Variants in OR51I2 observed in about 807,000 individuals in gnomAD.
OR51I2 encodes the protein olfactory receptor 51I2.
Under a neutral mutation model 9.3 loss-of-function variants are expected in OR51I2, and 6 were observed. That is an observed-to-expected ratio of 0.64 (90% CI 0.35 to 1.27). OR51I2 has a LOEUF of 1.27. Among genes scored for constraint, OR51I2 ranks in the 50% most tolerant of loss-of-function variants. The pLI is 0.03. For synonymous variants in OR51I2, 179 were observed against 143.1 expected, an observed-to-expected ratio of 1.25 and a Z score of -1.79; for missense variants, 489 against 396.4, an observed-to-expected ratio of 1.23 and a Z score of -1.98.
In OR51I2 at chr11:5,455,912, T is replaced by C. The variant is rs1850952322; in HGVS notation, c.*1485T>C. 6.6e-6 allele frequency: 1 copy of C among 152,204 alleles called. No homozygotes were observed. The highest frequency in any genetic ancestry group is 2.4e-5 in the African/African-American group (1 of 41,448). The allele number at this position is 152,204 out of a possible 1,614,324, so 9.4% of individuals were successfully genotyped here. On this transcript the variant is annotated 3_prime_UTR_variant, in exon 2 of 2. Transcript: ENST00000641930. ...CTTTTAGAAGAATGTTTGGATAGCA[T>C]AACTTAGTATGATTTCCAATGGAAA...
chr11:5,455,571 G>GAGGGAGAGAGAGAAAGAGAGAGGAA lies in OR51I2; in HGVS notation c.*1146_*1147insGGAGAGAGAGAAAGAGAGAGGAAAG, dbSNP rs1850941272. The GAGGGAGAGAGAGAAAGAGAGAGGAA allele has an allele frequency of 6.9e-6, 1 of 143,898 alleles. No individual in the cohort carries two copies. Among genetic ancestry groups the GAGGGAGAGAGAGAAAGAGAGAGGAA allele is most frequent in the African/African-American group, 2.9e-5 (1 of 34,526 alleles). 8.9% of individuals were successfully genotyped at this position (143,898 alleles called of 1,614,324 possible). ...TGGGGGAGAAAGAAGGGGGGAGAGAGAGAGAGAAAGAGAAAGAGAGAAAGA... is the reference window on the plus strand; with the variant it reads ...TGGGGGAGAAAGAAGGGGGGAGAGAGAGGGAGAGAGAGAAAGAGAGAGGAAAGAGAGAAAGAGAAAGAGAGAAAGA... On this transcript the variant is annotated 3_prime_UTR_variant, in exon 2 of 2. Transcript: ENST00000641930.
At chr11:5,450,208 G>A (rs1850823392) in intron 1 of OR51I2, among the ~76,000 whole-genome samples, 2 of 152,002 alleles carry the variant, frequency 1.3e-5, no homozygotes, top group African/African-American at 4.8e-5. Flanking sequence ...GGCCAATATG[G>A]TGAAACCCTG....
At chr11:5,450,360 C>T (rs1850825696) in intron 1 of OR51I2, among the ~76,000 whole-genome samples, 1 of 151,982 alleles carries the variant, frequency 6.6e-6, no homozygotes, top group African/African-American at 2.4e-5. Context: ...CTGCACTCCA[C>T]CCTGGATGAT....
rs1564819301 is a variant in OR51I2 at position 5,455,571 on chromosome 11, G to GAGAGAGAGAAAGAGAA, written c.*1151_*1152insGAAAGAGAAAGAGAGA. ...TGGGGGAGAAAGAAGGGGGGAGAGA[G>GAGAGAGAGAAAGAGAA]AGAGAGAAAGAGAAAGAGAGAAAGA... On this transcript the variant is annotated 3_prime_UTR_variant, in exon 2 of 2. Coordinates refer to ENST00000641930, the MANE Select transcript of OR51I2 (RefSeq NM_001004754.3). 11 of 144,008 alleles carry GAGAGAGAGAAAGAGAA rather than the reference G, an allele frequency of 7.6e-5. No homozygotes were observed. Among genetic ancestry groups the GAGAGAGAGAAAGAGAA allele is most frequent in the African/African-American group, 2.9e-4 (10 of 34,638 alleles). The allele number at this position is 144,008 out of a possible 1,614,324, so 8.9% of individuals were successfully genotyped here. A position where few individuals can be genotyped will look rare whatever the true frequency, so the allele number is the denominator to read the frequency against.
Position 5,454,527 on chromosome 11 carries a change from G to C in OR51I2, c.*100G>C, listed in dbSNP as rs111311793. 2 of 999,850 alleles carry C rather than the reference G, an allele frequency of 2.0e-6. No individual in the cohort carries two copies. The highest frequency in any genetic ancestry group is 1.6e-5 in the African/African-American group (1 of 62,514). 61.9% of individuals were successfully genotyped at this position (999,850 alleles called of 1,614,324 possible). A position where few individuals can be genotyped will look rare whatever the true frequency, so the allele number is the denominator to read the frequency against. ...AAGTATAAGATAGATTGTGTGCTGC[G>C]GGAAAAGTAGGCCAGGAGATGGTGA... On this transcript the variant is annotated 3_prime_UTR_variant, in exon 2 of 2. Transcript: ENST00000641930.
Position 5,453,861 on chromosome 11 carries a change from G to A in OR51I2, c.373G>A (p.Ala125Thr). ...GGCCATGAGTTTTGACCGCTATGTG[G>A]CCATTTGTGACCCCTTGCGCTATGC... ...LLAMSFDRYV[A>T]ICDPLRYATV... The change falls in exon 2 of 2, where the codon GCC becomes ACC. Residue 125 changes from alanine (A) to threonine (T), a missense_variant. Transcript: ENST00000641930. 6.2e-7 allele frequency: 1 copy of A among 1,614,216 alleles called. No individual in the cohort carries two copies. The highest frequency in any genetic ancestry group is 8.5e-7 in the Non-Finnish European group (1 of 1,180,042).
chr11:5,450,818 T>C (rs1314798111), intron 1 of OR51I2, among the ~76,000 whole-genome samples: 4 of 152,096 alleles, frequency 2.6e-5, no homozygotes, highest in Non-Finnish European at 5.9e-5. Context: ...GAGCATGCGG[T>C]GTTTGGTTTT....
Position 5,455,570 on chromosome 11 carries a change from A to AGAGAGAGAGAAAGAGAAAGAGAGAGGG in OR51I2, c.*1151_*1152insGAAAGAGAAAGAGAGAGGGGAGAGAGA, listed in dbSNP as rs560144318. On this transcript the variant is annotated 3_prime_UTR_variant, in exon 2 of 2. Transcript: ENST00000641930. ...TTGGGGGAGAAAGAAGGGGGGAGAG[A>AGAGAGAGAGAAAGAGAAAGAGAGAGGG]GAGAGAGAAAGAGAAAGAGAGAAAG... is the stretch of plus-strand genomic sequence containing the variant. The AGAGAGAGAGAAAGAGAAAGAGAGAGGG allele has an allele frequency of 6.7e-6, 1 of 149,958 alleles. No homozygotes were observed. Among genetic ancestry groups the AGAGAGAGAGAAAGAGAAAGAGAGAGGG allele is most frequent in the African/African-American group, 2.5e-5 (1 of 40,262 alleles). The allele number at this position is 149,958 out of a possible 1,614,324, so 9.3% of individuals were successfully genotyped here.
rs1293127545 is a variant in OR51I2, at chr11:5,449,359, C to T, written c.-236C>T. Reference sequence around the variant, plus strand: ...TTCTGTGGGTGTCTCATCAGTCTCTCTTCTGGTGAGTTCTGAAACTCTATA... The same window carrying T: ...TTCTGTGGGTGTCTCATCAGTCTCTTTTCTGGTGAGTTCTGAAACTCTATA... On this transcript the variant is annotated 5_prime_UTR_variant, in exon 1 of 2. Transcript: ENST00000641930. The T allele has an allele frequency of 6.6e-6, 1 of 152,246 alleles. No individual in the cohort carries two copies. Among genetic ancestry groups the T allele is most frequent in the Non-Finnish European group, 1.5e-5 (1 of 68,106 alleles). The allele number at this position is 152,246 out of a possible 1,614,324, so 9.4% of individuals were successfully genotyped here.
At chr11:5,452,969 C>T (rs1266095588) in intron 1 of OR51I2, among the ~76,000 whole-genome samples, 1 of 152,182 alleles carries the variant, frequency 6.6e-6, no homozygotes, top group Admixed American at 6.5e-5. Flanking sequence ...CCCTCTCCAT[C>T]CAAGCACACA....
intron 1 of OR51I2, among the ~76,000 whole-genome samples, chr11:5,452,504 C>A (rs1590003284): frequency 1.4e-5 from 1 of 69,188 alleles, no homozygotes; most frequent in African/African-American, 5.6e-5. Flanking sequence ...GACTCTGTCT[C>A]AAAAAAAAAA....
chr11:5,453,560 C>G lies in OR51I2; in HGVS notation c.72C>G (p.His24Gln). 1 of 1,610,418 alleles carries G rather than the reference C, an allele frequency of 6.2e-7. No homozygotes were observed. Among genetic ancestry groups the G allele is most frequent in the Non-Finnish European group, 8.5e-7 (1 of 1,178,300 alleles). Reference sequence around the variant, plus strand: ...GTATCCCTGGTCTGGAGAGCTCTCACTCCTGGCTGTCAGGGCCCCTCTGCG... The same window carrying G: ...GTATCCCTGGTCTGGAGAGCTCTCAGTCCTGGCTGTCAGGGCCCCTCTGCG... ...LTGIPGLESS[H>Q]SWLSGPLCVM... Residue 24 changes from histidine to glutamine, a missense_variant, in exon 2 of 2, where the codon CAC (histidine) becomes CAG (glutamine). His to Gln is a conservative substitution (Grantham distance 24). Transcript: ENST00000641930.
rs1850890819 is a variant in OR51I2, at chr11:5,453,557, T to C, written c.69T>C (p.Ser23=). 6 of 1,609,730 alleles carry C rather than the reference T, an allele frequency of 3.7e-6. No homozygotes were observed. The highest frequency in any genetic ancestry group is 1.3e-5 in the African/African-American group (1 of 74,860). Residue 23 remains serine (S), a synonymous_variant, in exon 2 of 2, where the codon TCT becomes TCC. Transcript: ENST00000641930. ...LLTGIPGLES[S]HSWLSGPLCV... is the part of the protein sequence containing the mutation. ...CTGGTATCCCTGGTCTGGAGAGCTCTCACTCCTGGCTGTCAGGGCCCCTCT... is the reference window on the plus strand; with the variant it reads ...CTGGTATCCCTGGTCTGGAGAGCTCCCACTCCTGGCTGTCAGGGCCCCTCT...
chr11:5,453,953 C>G lies in OR51I2; in HGVS notation c.465C>G (p.Thr155=). Residue 155 remains threonine, a synonymous_variant, in exon 2 of 2, where the codon ACC becomes ACG. Transcript: ENST00000641930. ...GTGCAGCTGCTCGAAGCTTCATCAC[C>G]CTTTTCCCTCTTCCCTTTCTTATTA... ...GLGAAARSFI[T]LFPLPFLIKR... The G allele has an allele frequency of 6.2e-7, 1 of 1,614,106 alleles. No homozygotes were observed. The highest frequency in any genetic ancestry group is 1.1e-5 in the South Asian group (1 of 91,074).
intron 1 of OR51I2, among the ~76,000 whole-genome samples, chr11:5,449,741 T>C (rs2133783168): frequency 6.6e-6 from 1 of 152,314 alleles, no homozygotes; most frequent in Middle Eastern, 3.4e-3. Context: ...AGGGAAGTGG[T>C]CACAACCTAT....
chr11:5,452,371 T>C (rs1850865715), intron 1 of OR51I2, among the ~76,000 whole-genome samples: 1 of 151,760 alleles, frequency 6.6e-6, no homozygotes, highest in African/African-American at 2.4e-5. Flanking sequence ...CCGGGCATGG[T>C]GGCGGGAGCC....
At position 5,454,401 on chromosome 11, in the gene OR51I2, C is replaced by T. The variant is rs534455073; in HGVS notation, c.913C>T (p.Arg305Cys). Residue 305 changes from arginine to cysteine, a missense_variant, in exon 2 of 2, where the codon CGC becomes TGC. Physicochemically the swap from Arg to Cys is radical, Grantham distance 180. Transcript: ENST00000641930. ...AAAGGAAATCCGCCGAGCCATTTTC[C>T]GCATGTTTCACCACATCAAAATATG... is the stretch of plus-strand genomic sequence containing the variant. ...KTKEIRRAIF[R>C]MFHHIKI is the part of the protein sequence containing the mutation. 3.7e-5 allele frequency: 60 copies of T among 1,607,122 alleles called. No homozygotes were observed. The highest frequency in any genetic ancestry group is 1.9e-4 in the African/African-American group (14 of 72,814).
rs776342438 is a variant in OR51I2, at chr11:5,454,018, CCTA to C, written c.533_535del (p.Tyr178del). On this transcript the variant is annotated inframe_deletion, in exon 2 of 2. Transcript: ENST00000641930. ...TGCAGATCCAATGTTCTTTCTCACTCCTACTGCCTGCACCCAGACATGATGAGG... is the reference window on the plus strand; with the variant it reads ...TGCAGATCCAATGTTCTTTCTCACTCCTGCCTGCACCCAGACATGATGAGG... The C allele has an allele frequency of 3.1e-6, 5 of 1,614,066 alleles. No individual in the cohort carries two copies. The African/African-American group carries it at 5.3e-5, about 17-fold the overall frequency.
chr11:5,454,155 C>T lies in OR51I2; in HGVS notation c.667C>T (p.Arg223Cys), dbSNP rs779247890. Reference sequence around the variant, plus strand: ...CTTCCTCTCCTATGTGCTCATTCTGCGTTCTGTCATGGCCACTGCTTCCCG... The same window carrying T: ...CTTCCTCTCCTATGTGCTCATTCTGTGTTCTGTCATGGCCACTGCTTCCCG... The part of the protein sequence containing the change: ...FIFLSYVLIL[R>C]SVMATASREE... The change falls in exon 2 of 2, where the codon CGT becomes TGT. Residue 223 changes from arginine to cysteine, a missense_variant. Coordinates refer to ENST00000641930, the MANE Select transcript of OR51I2 (RefSeq NM_001004754.3). 8.1e-6 allele frequency: 13 copies of T among 1,614,046 alleles called. No homozygotes were observed. The highest frequency in any genetic ancestry group is 4.4e-5 in the South Asian group (4 of 91,082).
Sources: allele counts gnomAD v4.1 joint callset (sites outside exome capture counted in the v4.1 genomes callset), GRCh38; gene constraint gnomAD v4.1.1; transcripts MANE v1.5; gene names NCBI Gene and HGNC (gene_info 2026-07-23, HGNC 2026-07-21).